PACS2: variants seen among roughly 807,000 people sequenced by gnomAD.
PACS2 encodes the protein PACS1-like protein.
A neutral mutation model predicts 113.0 loss-of-function variants in PACS2; 36 were observed. The ratio of observed to expected loss-of-function variants is 0.32; its 90% CI spans 0.24 to 0.42. PACS2 has a LOEUF of 0.42. Among genes scored for constraint, PACS2 ranks in the 10% least tolerant of loss-of-function variants. PACS2 has a pLI of 1.00. For missense variants in PACS2, 1,015 were observed against 1,239.5 expected, an observed-to-expected ratio of 0.82 and a Z score of 2.72; for synonymous variants, 589 against 536.1, an observed-to-expected ratio of 1.10 and a Z score of -1.36.
Position 105,392,787 on chromosome 14 carries a change from G to A in PACS2, c.2424G>A (p.Glu808=), listed in dbSNP as rs782549623. ...TCAGCAGGCTGCCCAGCAGCGGCGAGGCTGCAGCCACGCCCACCATGTCCA... is the reference window on the plus strand; with the variant it reads ...TCAGCAGGCTGCCCAGCAGCGGCGAAGCTGCAGCCACGCCCACCATGTCCA... The part of the protein sequence containing the change: ...LQVSRLPSSG[E]AAATPTMSMT... Residue 808 remains glutamate (E), a synonymous_variant, in exon 23 of 25, where the codon GAG becomes GAA. Transcript: ENST00000447393. 1.9e-6 allele frequency: 3 copies of A among 1,610,564 alleles called. No homozygotes were observed. The highest frequency in any genetic ancestry group is 2.7e-5 in the African/African-American group (2 of 74,912).
intron 4 of PACS2, among the ~76,000 whole-genome samples, chr14:105,359,402 G>A (rs1320182085): frequency 1.3e-5 from 2 of 151,562 alleles, no homozygotes; most frequent in Non-Finnish European, 2.9e-5. Flanking sequence ...CCACCTCCCG[G>A]GTTCAAGTGA....
intron 19 of PACS2, chr14:105,388,532 A>T (rs1555414122): frequency 3.9e-5 from 6 of 152,298 alleles, no homozygotes; most frequent in African/African-American, 1.4e-4. Context: ...CCTGCAAGGG[A>T]TTCTCTCTGA....
At chr14:105,390,179 G>T in intron 20 of PACS2, 176 bp downstream of exon 20, 1 of 683,872 alleles carries the variant, frequency 1.5e-6, no homozygotes. Flanking sequence ...CTGCTGGAGT[G>T]GGGTGTGGGG....
intron 4 of PACS2, among the ~76,000 whole-genome samples, chr14:105,364,617 T>G (rs1328480992): frequency 1.3e-5 from 2 of 151,202 alleles, no homozygotes; most frequent in African/African-American, 4.8e-5. Flanking sequence ...TGTCGTTACG[T>G]GGTGCATGAC....
intron 1 of PACS2, among the ~76,000 whole-genome samples, chr14:105,332,836 C>T (rs1186715613): frequency 2.6e-5 from 4 of 152,218 alleles, no homozygotes; most frequent in Non-Finnish European, 5.9e-5. Flanking sequence ...GGGGAGCAGC[C>T]TTGATTCCTA....
intron 4 of PACS2, 105 bp from the exon 5 acceptor site, chr14:105,367,108 C>T: frequency 2.9e-6 from 3 of 1,042,134 alleles, no homozygotes; most frequent in Non-Finnish European, 4.2e-6. Flanking sequence ...GTCCCCCTTG[C>T]TGTCACTGAG....
At chr14:105,316,236 T>A (rs952139787) in intron 1 of PACS2, among the ~76,000 whole-genome samples, 1 of 152,146 alleles carries the variant, frequency 6.6e-6, no homozygotes, top group Non-Finnish European at 1.5e-5. Flanking sequence ...AGTGTCCATA[T>A]GAGACCTAAG....
intron 4 of PACS2, among the ~76,000 whole-genome samples, chr14:105,363,002 T>G (rs2060791354): frequency 6.6e-6 from 1 of 152,194 alleles, no homozygotes; most frequent in African/African-American, 2.4e-5. Context: ...AGCAGTCATA[T>G]TTTGAAAGGA....
At chr14:105,325,597 G>C (rs2059075662) in intron 1 of PACS2, among the ~76,000 whole-genome samples, 1 of 152,226 alleles carries the variant, frequency 6.6e-6, no homozygotes, top group Non-Finnish European at 1.5e-5. Context: ...AGCCAGGTGT[G>C]TCTTGAGCTG....
At chr14:105,381,804 C>T (rs1368159867) in intron 12 of PACS2, 110 bp from the exon 13 acceptor site, 1 of 1,019,810 alleles carries the variant, frequency 9.8e-7, no homozygotes, top group African/African-American at 1.6e-5. Flanking sequence ...CTGTGCTCAC[C>T]CTTCCCTGTC....
chr14:105,320,936 G>A (rs761577320), intron 1 of PACS2, among the ~76,000 whole-genome samples: 34 of 152,076 alleles, frequency 2.2e-4, no homozygotes, highest in Non-Finnish European at 3.8e-4. Flanking sequence ...GTGGATTACC[G>A]GAGGTTAGGA....
upstream of PACS2, among the ~76,000 whole-genome samples, chr14:105,309,642 G>GT (rs1288960939): frequency 6.6e-6 from 1 of 152,226 alleles, no homozygotes; most frequent in African/African-American, 2.4e-5. This position sits in a 1 kb window ranked among gnomAD's most constrained non-coding sequence, Gnocchi z 4.0. Context: ...CCCAGGTGCT[G>GT]TGTGAGGGAG....
In PACS2 at chr14:105,356,041, G is replaced by A. The variant is rs782781120; in HGVS notation, c.423+864G>A. Among the ~76,000 whole-genome samples the A allele has an allele frequency of 1.3e-5, 2 of 152,160 alleles. No individual in the cohort carries two copies. The highest frequency in any genetic ancestry group is 4.8e-5 in the African/African-American group (2 of 41,448). On this transcript the variant is annotated intron_variant, in intron 4 of 24. Coordinates refer to ENST00000447393, the MANE Select transcript of PACS2 (RefSeq NM_001100913.3). The surrounding 1 kb of genome is among the most constrained non-coding windows in gnomAD (Gnocchi z 4.0). ...CTGGGGCCTGGGAAGGTCAGCCAGCGCAGCCCCTCATTGGGAGCCGGAGAT... is the reference window on the plus strand; with the variant it reads ...CTGGGGCCTGGGAAGGTCAGCCAGCACAGCCCCTCATTGGGAGCCGGAGAT...
At chr14:105,374,094 G>A (rs1272950844) in intron 8 of PACS2, among the ~76,000 whole-genome samples, 3 of 151,182 alleles carry the variant, frequency 2.0e-5, no homozygotes, top group Non-Finnish European at 4.4e-5. Flanking sequence ...GGCAGAGGTT[G>A]CAGTGAGCCA....
In PACS2 at chr14:105,391,638, G is replaced by A. The variant is rs144513472; in HGVS notation, c.2127G>A (p.Ser709=). The change falls in exon 22 of 25, where the codon TCG becomes TCA. Residue 709 remains serine, a synonymous_variant. Transcript: ENST00000447393. ...VEPSSATSGD[S]DDAAPSGSGT... ...TGTGACTCCTCCCCAAAGGCGACTC[G>A]GACGACGCGGCCCCCTCGGGCTCTG... 167 of 1,609,342 alleles carry A rather than the reference G, an allele frequency of 1.0e-4. No homozygotes were observed. The African/African-American group carries it at 1.4e-3, about 13-fold the overall frequency.
intron 2 of PACS2, among the ~76,000 whole-genome samples, chr14:105,350,678 C>T (rs1484432697): frequency 6.6e-6 from 1 of 152,256 alleles, no homozygotes; most frequent in Non-Finnish European, 1.5e-5. Context: ...CCTCAGCCTT[C>T]TCTGGCGTGC....
Position 105,394,902 on chromosome 14 carries a change from G to A in PACS2, c.*230G>A, listed in dbSNP as rs1345803497. 3.9e-6 allele frequency: 2 copies of A among 513,894 alleles called. No homozygotes were observed. Among genetic ancestry groups the A allele is most frequent in the Non-Finnish European group, 3.5e-6 (1 of 281,856 alleles). 31.8% of individuals were successfully genotyped at this position (513,894 alleles called of 1,614,324 possible). A position where few individuals can be genotyped will look rare whatever the true frequency, so the allele number is the denominator to read the frequency against. On this transcript the variant is annotated 3_prime_UTR_variant, in exon 25 of 25. Coordinates refer to ENST00000447393, the MANE Select transcript of PACS2 (RefSeq NM_001100913.3). ...TCGGCCCGGGGCTGGGAAGCCAGAA[G>A]GACGATGCTGAGCCATGGATCGCGG...
chr14:105,391,597 T>G, intron 21 of PACS2, 34 bp from the exon 22 acceptor site: 2 of 1,418,844 alleles, frequency 1.4e-6, no homozygotes, highest in Non-Finnish European at 1.9e-6. Context: ...GAGCAGCAGG[T>G]GGGCTCAGCC....
intron 2 of PACS2, among the ~76,000 whole-genome samples, chr14:105,350,312 T>G (rs1476284566): frequency 6.6e-6 from 1 of 152,152 alleles, no homozygotes; most frequent in Non-Finnish European, 1.5e-5. Flanking sequence ...AGTCGACCCC[T>G]CACTGACTTC....
Sources: gnomAD v4.1 joint callset for allele counts (sites outside exome capture counted in the v4.1 genomes callset) on GRCh38, gnomAD v4.1.1 for gene constraint, Gnocchi (gnomAD v3.1) non-coding constraint, MANE v1.5 for transcripts, NCBI Gene and HGNC (gene_info 2026-07-23, HGNC 2026-07-21) for gene names.